CSMD1: variants seen among roughly 807,000 people sequenced by gnomAD.
The protein encoded by CSMD1 is CUB and Sushi multiple domains 1.
In CSMD1, 213 loss-of-function variants were observed where a neutral mutation model predicts 417.5. The observed-to-expected ratio is 0.51, with a 90% CI of 0.46 to 0.57. The LOEUF (loss-of-function observed/expected upper bound fraction) is 0.57, where lower values mean the gene tolerates loss of function less well. CSMD1 is among the 20% of genes least tolerant of loss of function. The pLI is 0.00. For synonymous variants in CSMD1, 2,862 were observed against 1,736.8 expected, an observed-to-expected ratio of 1.65 and a Z score of -16.11; for missense variants, 6,923 against 4,529.7, an observed-to-expected ratio of 1.53 and a Z score of -15.17.
At chr8:3,663,191 G>A (rs1029256149) in intron 7 of CSMD1, among the ~76,000 whole-genome samples, 6 of 152,134 alleles carry the variant, frequency 3.9e-5, no homozygotes, top group Non-Finnish European at 8.8e-5. Context: ...TTCCAGCACA[G>A]AGAAAGCGTG....
chr8:4,888,065 A>G (rs1563680199), intron 1 of CSMD1, among the ~76,000 whole-genome samples: 2 of 152,066 alleles, frequency 1.3e-5, no homozygotes, highest in South Asian at 2.1e-4. Flanking sequence ...TACTCTGAAG[A>G]TAAACTTTCA....
At chr8:3,327,825 G>C (rs1465992676) in intron 23 of CSMD1, among the ~76,000 whole-genome samples, 1 of 151,990 alleles carries the variant, frequency 6.6e-6, no homozygotes, top group African/African-American at 2.4e-5. Context: ...CTTTAGCTCC[G>C]GGTCCTCATT....
At chr8:4,565,017 C>G (rs536640934) in intron 2 of CSMD1, among the ~76,000 whole-genome samples, 1 of 152,098 alleles carries the variant, frequency 6.6e-6, no homozygotes, top group Non-Finnish European at 1.5e-5. Context: ...TGATAGATGT[C>G]TGTCATCTTC....
At chr8:4,467,035 CTG>C (rs1176433366) in intron 2 of CSMD1, among the ~76,000 whole-genome samples, 5 of 146,994 alleles carry the variant, frequency 3.4e-5, no homozygotes, top group Non-Finnish European at 5.9e-5. Flanking sequence ...CAACAAAAGT[CTG>C]TTTCATGGCA....
At chr8:3,492,294 G>C (rs1003250277) in intron 11 of CSMD1, among the ~76,000 whole-genome samples, 1 of 152,114 alleles carries the variant, frequency 6.6e-6, no homozygotes, top group African/African-American at 2.4e-5. Flanking sequence ...AGGAAATAAG[G>C]AGACTTTTCT....
intron 8 of CSMD1, among the ~76,000 whole-genome samples, chr8:3,596,225 C>T (rs776510351): frequency 6.6e-6 from 1 of 152,180 alleles, no homozygotes; most frequent in Non-Finnish European, 1.5e-5. Flanking sequence ...GCAGCCTGCA[C>T]CACCGTCCAG....
chr8:3,371,020 G>C, intron 18 of CSMD1, among the ~76,000 whole-genome samples: 1 of 151,664 alleles, frequency 6.6e-6, no homozygotes, highest in Admixed American at 6.6e-5. Flanking sequence ...CTTTTCTTGA[G>C]CTGGGACATC....
At chr8:4,232,446 A>T (rs1361875476) in intron 3 of CSMD1, among the ~76,000 whole-genome samples, 1 of 152,188 alleles carries the variant, frequency 6.6e-6, no homozygotes, top group East Asian at 1.9e-4. Context: ...TGATCTGCCC[A>T]CCTCAGATTC....
chr8:3,983,173 C>G lies in CSMD1; in HGVS notation c.818+14730G>C, dbSNP rs137915080. Among the ~76,000 whole-genome samples, 847 of 147,234 alleles carry G rather than the reference C, an allele frequency of 5.8e-3. 9 individuals are homozygous for G. Among genetic ancestry groups the G allele is most frequent in the African/African-American group, 0.021 (818 of 39,566 alleles). ...TGAGACGGACTCTCGCTCTGTCACC[C>G]AGGCTGGAGTGCAGTGGCGCGATCT... On this transcript the variant is annotated intron_variant, in intron 5 of 69. Coordinates refer to ENST00000635120, the MANE Select transcript of CSMD1 (RefSeq NM_033225.6).
chr8:4,745,341 C>T (rs1810883047), intron 1 of CSMD1, among the ~76,000 whole-genome samples: 1 of 152,084 alleles, frequency 6.6e-6, no homozygotes, highest in Non-Finnish European at 1.5e-5. Flanking sequence ...GAAAGAAATG[C>T]TATACAGTTT....
At chr8:3,283,536 G>T (rs908939369) in intron 26 of CSMD1, among the ~76,000 whole-genome samples, 1 of 152,026 alleles carries the variant, frequency 6.6e-6, no homozygotes, top group Non-Finnish European at 1.5e-5. Flanking sequence ...TACTGACAGT[G>T]TTCAGAACCA....
At chr8:3,666,133 T>C (rs1036973510) in intron 7 of CSMD1, among the ~76,000 whole-genome samples, 1 of 152,186 alleles carries the variant, frequency 6.6e-6, no homozygotes, top group African/African-American at 2.4e-5. Context: ...TGACCTCAAG[T>C]GATCTACATG....
At chr8:4,606,473 G>C (rs1055287052) in intron 2 of CSMD1, among the ~76,000 whole-genome samples, 1 of 152,084 alleles carries the variant, frequency 6.6e-6, no homozygotes, top group Non-Finnish European at 1.5e-5. Flanking sequence ...AACATCATCC[G>C]ATGCCAAGCC....
chr8:3,661,498 AT>A (rs34099214), intron 7 of CSMD1, among the ~76,000 whole-genome samples: 23,469 of 151,054 alleles, frequency 0.16, 2,495 homozygotes, highest in East Asian at 0.32. Context: ...AATTAAACTG[AT>A]TTTTTTTTCT....
At chr8:4,130,793 C>T (rs555535032) in intron 3 of CSMD1, among the ~76,000 whole-genome samples, 1 of 151,674 alleles carries the variant, frequency 6.6e-6, no homozygotes, top group African/African-American at 2.4e-5. Flanking sequence ...TCTGTCAATG[C>T]TTACAAATTA....
chr8:3,294,833 G>A (rs532253820), intron 25 of CSMD1, among the ~76,000 whole-genome samples: 1 of 152,124 alleles, frequency 6.6e-6, no homozygotes, highest in African/African-American at 2.4e-5. Flanking sequence ...CCATTGTCCT[G>A]CACCCACTTT....
chr8:4,573,120 C>G (rs113946210), intron 2 of CSMD1, among the ~76,000 whole-genome samples: 17,159 of 152,158 alleles, frequency 0.11, 1,191 homozygotes, highest in Admixed American at 0.18. Flanking sequence ...CTACTTCTGT[C>G]AATTCATCAA....
intron 18 of CSMD1, among the ~76,000 whole-genome samples, chr8:3,370,665 C>T (rs534904364): frequency 1.8e-4 from 27 of 152,274 alleles, no homozygotes; most frequent in African/African-American, 6.5e-4. Context: ...CTGCTGAGGG[C>T]TGGAACCGAA....
intron 1 of CSMD1, among the ~76,000 whole-genome samples, chr8:4,884,599 A>G (rs1341819179): frequency 1.3e-5 from 2 of 151,968 alleles, no homozygotes; most frequent in Admixed American, 6.5e-5. Context: ...TTGAATATCT[A>G]GTTGTTCTAG....
Sources: allele counts gnomAD v4.1 joint callset (sites outside exome capture counted in the v4.1 genomes callset), GRCh38; gene constraint gnomAD v4.1.1; transcripts MANE v1.5; gene names NCBI Gene and HGNC (gene_info 2026-07-23, HGNC 2026-07-21).